Variants in SYT1 observed in about 807,000 individuals in gnomAD.
SYT1 encodes synaptotagmin-1.
In SYT1, 8 loss-of-function variants were observed where a neutral mutation model predicts 44.8. The ratio of observed to expected loss-of-function variants is 0.18; its 90% CI spans 0.10 to 0.32. The LOEUF (loss-of-function observed/expected upper bound fraction) is 0.32. Among genes scored for constraint, SYT1 ranks in the 10% least tolerant of loss-of-function variants. The probability of loss-of-function intolerance (pLI) is 1.00; values close to 1 mark genes in which losing one functional copy is unlikely to be tolerated. For missense variants in SYT1, 286 were observed against 509.3 expected (o/e 0.56, Z 4.22); for synonymous variants, 154 against 188.8 (o/e 0.82, Z 1.51).
At chr12:79,392,831 T>A (rs906803025) in intron 9 of SYT1, 1 of 149,118 alleles carries the variant, frequency 6.7e-6, no homozygotes, top group African/African-American at 2.5e-5. Flanking sequence ...ATACTTTAAG[T>A]TCTAGGTTAC....
intron 8 of SYT1, among the ~76,000 whole-genome samples, chr12:79,325,166 G>A (rs2138993147): frequency 6.6e-6 from 1 of 152,256 alleles, no homozygotes; most frequent in African/African-American, 2.4e-5. Flanking sequence ...GTTGCAGGGG[G>A]AGGCCAAACC....
chr12:79,423,096 C>T (rs2136160479), intron 9 of SYT1, among the ~76,000 whole-genome samples: 1 of 152,186 alleles, frequency 6.6e-6, no homozygotes, highest in East Asian at 1.9e-4. Flanking sequence ...GTTCCAGGGG[C>T]AGGAAGGGAG....
chr12:78,930,201 T>G (rs973276992), intron 1 of SYT1, among the ~76,000 whole-genome samples: 2 of 152,182 alleles, frequency 1.3e-5, no homozygotes, highest in African/African-American at 4.8e-5. Context: ...GCTGAGGTGA[T>G]GAATACATTA....
chr12:79,404,784 G>A (rs988920815), intron 9 of SYT1, among the ~76,000 whole-genome samples: 1 of 152,108 alleles, frequency 6.6e-6, no homozygotes, highest in African/African-American at 2.4e-5. Context: ...GGGAAAAAAT[G>A]TTTATTTGCG....
intron 4 of SYT1, among the ~76,000 whole-genome samples, chr12:79,250,366 A>G (rs1436133859): frequency 6.6e-6 from 1 of 152,236 alleles, no homozygotes; most frequent in African/African-American, 2.4e-5. Flanking sequence ...ATGTAAACAT[A>G]TTCCTCCGTA....
chr12:79,240,099 A>C (rs142022679), intron 4 of SYT1, among the ~76,000 whole-genome samples: 1 of 152,316 alleles, frequency 6.6e-6, no homozygotes, highest in African/African-American at 2.4e-5. Context: ...TCCCATACTC[A>C]AAGAGAAGGC....
intron 9 of SYT1, among the ~76,000 whole-genome samples, chr12:79,370,728 A>C (rs973396465): frequency 2.6e-5 from 4 of 152,076 alleles, no homozygotes; most frequent in Non-Finnish European, 5.9e-5. Context: ...GCGCCACTGC[A>C]CTCCAGCCTG....
chr12:79,123,308 AATGTGT>A (rs975999665), intron 3 of SYT1, among the ~76,000 whole-genome samples: 4 of 96,484 alleles, frequency 4.1e-5, no homozygotes, highest in South Asian at 3.9e-4. Flanking sequence ...CTAAAAATGC[AATGTGT>A]GTGTGTGTGT....
intron 9 of SYT1, among the ~76,000 whole-genome samples, chr12:79,421,676 T>G (rs1053333446): frequency 3.9e-5 from 6 of 152,152 alleles, no homozygotes; most frequent in African/African-American, 7.2e-5. Flanking sequence ...TTTTGCTTTA[T>G]CCAATGTGAC....
intron 8 of SYT1, among the ~76,000 whole-genome samples, chr12:79,309,964 G>A (rs949467756): frequency 1.1e-3 from 169 of 152,156 alleles, no homozygotes; most frequent in Admixed American, 4.9e-3. Context: ...CATTTTGTAG[G>A]TTGCCTGTTC....
chr12:79,384,494 AATGCTT>A (rs1343318899), intron 9 of SYT1, among the ~76,000 whole-genome samples: 1 of 152,166 alleles, frequency 6.6e-6, no homozygotes, highest in Non-Finnish European at 1.5e-5. Context: ...TAGGTACAAA[AATGCTT>A]AATACTCAGC....
At chr12:78,985,270 C>T (rs925717) in intron 2 of SYT1, among the ~76,000 whole-genome samples, 17,976 of 151,600 alleles carry the variant, frequency 0.12, 1,301 homozygotes, top group Non-Finnish European at 0.17. Context: ...TAAAACTATA[C>T]GTAGTATAAT....
At chr12:79,059,372 A>C (rs1209040301) in intron 3 of SYT1, among the ~76,000 whole-genome samples, 1 of 152,138 alleles carries the variant, frequency 6.6e-6, no homozygotes. Flanking sequence ...AATGTAAAAT[A>C]CATGATTATA....
At chr12:79,123,308 AATGTGTGT>A (rs1225314620) in intron 3 of SYT1, among the ~76,000 whole-genome samples, 7 of 96,484 alleles carry the variant, frequency 7.3e-5, no homozygotes, top group Non-Finnish European at 1.3e-4. Context: ...CTAAAAATGC[AATGTGTGT>A]GTGTGTGTGT....
intron 3 of SYT1, among the ~76,000 whole-genome samples, chr12:79,172,474 A>T (rs1010785685): frequency 1.3e-5 from 2 of 151,996 alleles, no homozygotes; most frequent in Non-Finnish European, 2.9e-5. Context: ...AGGCCTTGGC[A>T]ATTGGAAAAT....
chr12:78,942,731 T>A (rs1009432448), intron 1 of SYT1, among the ~76,000 whole-genome samples: 5 of 152,218 alleles, frequency 3.3e-5, no homozygotes, highest in African/African-American at 1.2e-4. Flanking sequence ...TATCTCGCCA[T>A]CCGTATGAAC....
At chr12:79,189,409 G>A (rs1348071935) in intron 3 of SYT1, among the ~76,000 whole-genome samples, 1 of 151,980 alleles carries the variant, frequency 6.6e-6, no homozygotes, top group African/African-American at 2.4e-5. Flanking sequence ...TTGATTCAGA[G>A]GTATGTTCAA....
chr12:79,263,500 T>A (rs1450626896), intron 4 of SYT1, among the ~76,000 whole-genome samples: 1 of 152,126 alleles, frequency 6.6e-6, no homozygotes, highest in African/African-American at 2.4e-5. Context: ...TGCCTAAATA[T>A]GTTATGTGTC....
At chr12:79,098,536 T>A (rs887458090) in intron 3 of SYT1, among the ~76,000 whole-genome samples, 1 of 152,132 alleles carries the variant, frequency 6.6e-6, no homozygotes, top group Admixed American at 6.6e-5. Flanking sequence ...TTTCAAGTTA[T>A]AAAGATGTGG....
Sources: gnomAD v4.1 joint callset for allele counts (sites outside exome capture counted in the v4.1 genomes callset) on GRCh38, gnomAD v4.1.1 for gene constraint, MANE v1.5 for transcripts, NCBI Gene and HGNC (gene_info 2026-07-23, HGNC 2026-07-21) for gene names.